EPHB1: variants seen among roughly 807,000 people sequenced by gnomAD.
The protein encoded by EPHB1 is EPH receptor B1.
In EPHB1, 30 loss-of-function variants were observed where a neutral mutation model predicts 94.4. That is an observed-to-expected ratio of 0.32 (90% CI 0.24 to 0.43). EPHB1 has a LOEUF of 0.43. Ranked by LOEUF, EPHB1 falls within the 20% of genes least tolerant of loss-of-function variation. The pLI is 1.00. For missense variants in EPHB1, 1,055 were observed against 1,308.3 expected (o/e 0.81, Z 2.99); for synonymous variants, 522 against 489.1 (o/e 1.07, Z -0.89).
At chr3:135,131,368 CT>C (rs1940408945) in intron 4 of EPHB1, among the ~76,000 whole-genome samples, 1 of 152,208 alleles carries the variant, frequency 6.6e-6, no homozygotes, top group African/African-American at 2.4e-5. Context: ...TTGTTATTCC[CT>C]CATTTTTTGT....
chr3:135,216,887 T>C (rs1035226808), intron 12 of EPHB1, among the ~76,000 whole-genome samples: 1 of 152,186 alleles, frequency 6.6e-6, no homozygotes, highest in African/African-American at 2.4e-5. Context: ...AAGAGGACTT[T>C]CTTGCATCAC....
intron 1 of EPHB1, among the ~76,000 whole-genome samples, chr3:134,842,269 G>A (rs554038537): frequency 9.9e-5 from 15 of 152,266 alleles, no homozygotes; most frequent in African/African-American, 3.1e-4. Flanking sequence ...TCTCAGCCTC[G>A]AGAACTGTGA....
At chr3:134,870,713 T>A (rs1339557450) in intron 1 of EPHB1, among the ~76,000 whole-genome samples, 1 of 152,212 alleles carries the variant, frequency 6.6e-6, no homozygotes, top group Non-Finnish European at 1.5e-5. Flanking sequence ...AGAAGTTCTG[T>A]CAATACAATG....
chr3:135,016,215 G>A (rs1935792052), intron 3 of EPHB1, among the ~76,000 whole-genome samples: 2 of 152,176 alleles, frequency 1.3e-5, no homozygotes, highest in African/African-American at 2.4e-5. Context: ...CAAGGTTTGG[G>A]TCACCTTAAA....
chr3:135,132,366 C>G (rs183856068), intron 4 of EPHB1, among the ~76,000 whole-genome samples: 2 of 152,116 alleles, frequency 1.3e-5, no homozygotes, highest in African/African-American at 4.8e-5. Flanking sequence ...AGTAAATGTT[C>G]AATATATATA....
At chr3:134,862,330 C>T (rs1011199303) in intron 1 of EPHB1, among the ~76,000 whole-genome samples, 19 of 152,062 alleles carry the variant, frequency 1.2e-4, no homozygotes, top group African/African-American at 3.9e-4. Context: ...AAGAGGTTAG[C>T]GTACTCCATG....
chr3:135,179,899 A>G lies in EPHB1; in HGVS notation c.1799A>G (p.Tyr600Cys). The G allele has an allele frequency of 1.9e-6, 3 of 1,613,968 alleles. No individual in the cohort carries two copies. The highest frequency in any genetic ancestry group is 2.5e-6 in the Non-Finnish European group (3 of 1,179,846). ...AAGATCTACATTGACCCCTTCACTT[A>G]CGAGGATCCCAACGAAGCTGTCCGG... ...GMKIYIDPFTYEDPNEAVREF... is the reference protein window; with the variant it reads ...GMKIYIDPFTCEDPNEAVREF... The change falls in exon 10 of 16, where the codon TAC (tyrosine) becomes TGC (cysteine). Residue 600 changes from tyrosine (Y) to cysteine (C), a missense_variant. Physicochemically the swap from Tyr to Cys is radical, Grantham distance 194. Coordinates refer to ENST00000398015, the MANE Select transcript of EPHB1 (RefSeq NM_004441.5).
chr3:134,995,538 A>G (rs1934961873), intron 3 of EPHB1, among the ~76,000 whole-genome samples: 1 of 152,216 alleles, frequency 6.6e-6, no homozygotes. Context: ...AGGAAGTTTA[A>G]CATCATTAGC....
chr3:135,180,065 T>A, intron 10 of EPHB1, 83 bp downstream of exon 10: 1 of 1,531,078 alleles, frequency 6.5e-7, no homozygotes, highest in Middle Eastern at 1.7e-4. Context: ...TCTTTCAGTA[T>A]GAAAAGCCCC....
intron 2 of EPHB1, among the ~76,000 whole-genome samples, chr3:134,928,688 C>A (rs1175248689): frequency 1.3e-5 from 2 of 152,148 alleles, no homozygotes; most frequent in Non-Finnish European, 2.9e-5. Flanking sequence ...GCAATGGAAT[C>A]AGAAGGCGGC....
chr3:134,813,597 T>G (rs1030499981), intron 1 of EPHB1, among the ~76,000 whole-genome samples: 1 of 152,236 alleles, frequency 6.6e-6, no homozygotes, highest in Admixed American at 6.5e-5. Flanking sequence ...TGTCCGAGGC[T>G]GTTCATCACC....
chr3:134,921,175 C>G (rs1474698064), intron 1 of EPHB1, among the ~76,000 whole-genome samples: 8 of 152,156 alleles, frequency 5.3e-5, no homozygotes, highest in Non-Finnish European at 1.2e-4. Context: ...TTTTCTTACT[C>G]TCCCATCTGC....
chr3:135,141,876 C>T (rs985412522), intron 5 of EPHB1, among the ~76,000 whole-genome samples: 29 of 152,108 alleles, frequency 1.9e-4, no homozygotes, highest in African/African-American at 6.5e-4. Context: ...AGGGGCCTGG[C>T]CATCTGGCTT....
intron 5 of EPHB1, among the ~76,000 whole-genome samples, chr3:135,141,339 G>T (rs1940820447): frequency 6.6e-6 from 1 of 152,074 alleles, no homozygotes; most frequent in African/African-American, 2.4e-5. Context: ...ATGTGCATTT[G>T]TTGTTTATGT....
chr3:135,084,055 G>A (rs1938256012), intron 3 of EPHB1, among the ~76,000 whole-genome samples: 1 of 152,034 alleles, frequency 6.6e-6, no homozygotes, highest in African/African-American at 2.4e-5. Flanking sequence ...TTCAAGAATA[G>A]ATTTTTTTTC....
In EPHB1 at chr3:135,154,368, G is replaced by C. The variant is rs576059873; in HGVS notation, c.1422+92G>C. The C allele has an allele frequency of 7.1e-6, 11 of 1,551,144 alleles. No homozygotes were observed. The African/African-American group carries it at 1.5e-4, about 21-fold the overall frequency. On this transcript the variant is annotated intron_variant, in intron 6 of 15. Transcript: ENST00000398015. ...GCTGAAGGCACAAAGGAGATAGGCT[G>C]CTGAGGTGGGGAGGATTCTGGTGAC...
chr3:134,899,908 A>T (rs1429588561), intron 1 of EPHB1, among the ~76,000 whole-genome samples: 1 of 152,196 alleles, frequency 6.6e-6, no homozygotes, highest in Non-Finnish European at 1.5e-5. Flanking sequence ...TCATGACTAT[A>T]CCTGGTGAGT....
intron 3 of EPHB1, among the ~76,000 whole-genome samples, chr3:134,961,141 A>G (rs1007932766): frequency 5.9e-5 from 9 of 152,138 alleles, no homozygotes; most frequent in Non-Finnish European, 8.8e-5. Flanking sequence ...TGGGCCCTGT[A>G]TGCTTATATA....
At chr3:134,892,265 C>A (rs2037999361) in intron 1 of EPHB1, among the ~76,000 whole-genome samples, 1 of 152,198 alleles carries the variant, frequency 6.6e-6, no homozygotes, top group South Asian at 2.1e-4. Flanking sequence ...CCAGCCACAG[C>A]TACCCACTAG....
Sources: gnomAD v4.1 joint callset for allele counts (sites outside exome capture counted in the v4.1 genomes callset) on GRCh38, gnomAD v4.1.1 for gene constraint, MANE v1.5 for transcripts, NCBI Gene and HGNC (gene_info 2026-07-23, HGNC 2026-07-21) for gene names.